ENOX1: variants seen among roughly 807,000 people sequenced by gnomAD.
The protein encoded by ENOX1 is ecto-NOX disulfide-thiol exchanger 1.
ENOX1 carries 42 observed loss-of-function variants against 82.5 expected under a neutral mutation model. That is an observed-to-expected ratio of 0.51 (90% CI 0.40 to 0.66). The LOEUF (loss-of-function observed/expected upper bound fraction) is 0.66. Among genes scored for constraint, ENOX1 ranks in the 30% least tolerant of loss-of-function variants. The pLI is 0.00. For missense variants in ENOX1, 608 were observed against 811.6 expected (o/e 0.75, Z 3.05); for synonymous variants, 271 against 282.2 (o/e 0.96, Z 0.40).
chr13:43,385,914 C>T (rs950465832), intron 5 of ENOX1, among the ~76,000 whole-genome samples: 4 of 151,950 alleles, frequency 2.6e-5, no homozygotes, highest in Admixed American at 1.3e-4. Flanking sequence ...ACCTGTAATC[C>T]CAGCACTTTG....
intron 16 of ENOX1, among the ~76,000 whole-genome samples, chr13:43,219,934 A>G (rs2041698309): frequency 6.6e-6 from 1 of 152,250 alleles, no homozygotes. Context: ...TTCCATGGGC[A>G]AAACTGACTT....
chr13:43,273,097 C>T (rs1336876190), intron 12 of ENOX1, among the ~76,000 whole-genome samples: 1 of 152,160 alleles, frequency 6.6e-6, no homozygotes, highest in Non-Finnish European at 1.5e-5. Flanking sequence ...ACCTACCAGA[C>T]CCTTCACTTC....
At chr13:43,726,129 T>A (rs1389781739) in intron 1 of ENOX1, among the ~76,000 whole-genome samples, 1 of 150,752 alleles carries the variant, frequency 6.6e-6, no homozygotes, top group East Asian at 1.9e-4. Flanking sequence ...ACCATAAAAT[T>A]AAAACATAAA....
intron 1 of ENOX1, among the ~76,000 whole-genome samples, chr13:43,677,446 G>A (rs2085563930): frequency 6.6e-6 from 1 of 152,210 alleles, no homozygotes; most frequent in Non-Finnish European, 1.5e-5. Flanking sequence ...AGGCTGTAGA[G>A]TGCCAATGCC....
intron 1 of ENOX1, among the ~76,000 whole-genome samples, chr13:43,727,292 A>G (rs1298431790): frequency 6.6e-6 from 1 of 152,220 alleles, no homozygotes; most frequent in East Asian, 1.9e-4. Context: ...ATCTTCCTCT[A>G]GACTCAGCAA....
At chr13:43,252,277 A>C (rs2043501535) in intron 14 of ENOX1, among the ~76,000 whole-genome samples, 1 of 152,142 alleles carries the variant, frequency 6.6e-6, no homozygotes, top group Admixed American at 6.5e-5. Flanking sequence ...GGGAAAGCTG[A>C]GACTTTGAGG....
At chr13:43,491,179 G>C (rs1428773234) in intron 2 of ENOX1, among the ~76,000 whole-genome samples, 2 of 152,254 alleles carry the variant, frequency 1.3e-5, no homozygotes, top group East Asian at 3.9e-4. Flanking sequence ...AGAGAAAAGG[G>C]AGAGGTCCCA....
intron 1 of ENOX1, among the ~76,000 whole-genome samples, chr13:43,706,181 T>C (rs562683194): frequency 6.6e-6 from 1 of 152,090 alleles, no homozygotes; most frequent in African/African-American, 2.4e-5. Flanking sequence ...AAAGCTTATA[T>C]TTAAAAAAGT....
chr13:43,630,860 T>TATATATATACACACAC (rs34023929), intron 2 of ENOX1, among the ~76,000 whole-genome samples: 2 of 147,708 alleles, frequency 1.4e-5, no homozygotes, highest in African/African-American at 5.0e-5. Flanking sequence ...TATATATATA[T>TATATATATACACACAC]ACACACACAC....
intron 8 of ENOX1, among the ~76,000 whole-genome samples, chr13:43,353,472 C>G (rs2049942396): frequency 6.6e-6 from 1 of 152,108 alleles, no homozygotes; most frequent in African/African-American, 2.4e-5. Flanking sequence ...ATTTCCATTT[C>G]CTTTCTGACA....
At chr13:43,592,029 C>T (rs2081269141) in intron 2 of ENOX1, among the ~76,000 whole-genome samples, 1 of 151,778 alleles carries the variant, frequency 6.6e-6, no homozygotes, top group Non-Finnish European at 1.5e-5. Context: ...ACAAGAGCAT[C>T]CCAGAGCCCC....
chr13:43,436,378 C>A (rs921026611), intron 3 of ENOX1, among the ~76,000 whole-genome samples: 10 of 152,216 alleles, frequency 6.6e-5, no homozygotes, highest in South Asian at 2.1e-4. Context: ...TAAAATAGAT[C>A]ATTTCAGTAG....
At chr13:43,364,229 G>A (rs1238583258) in intron 5 of ENOX1, among the ~76,000 whole-genome samples, 1 of 152,186 alleles carries the variant, frequency 6.6e-6, no homozygotes, top group African/African-American at 2.4e-5. Context: ...ACAAAGGGGA[G>A]AAGGCAGCGC....
At chr13:43,492,912 A>G (rs2076670265) in intron 2 of ENOX1, among the ~76,000 whole-genome samples, 1 of 152,210 alleles carries the variant, frequency 6.6e-6, no homozygotes, top group Non-Finnish European at 1.5e-5. Context: ...CACTGAGTAA[A>G]GCAGATTACT....
At chr13:43,777,999 C>T (rs1796425536) in intron 1 of ENOX1, among the ~76,000 whole-genome samples, 1 of 152,226 alleles carries the variant, frequency 6.6e-6, no homozygotes, top group Admixed American at 6.5e-5. Context: ...TTTGTTCTCG[C>T]TGATAAGCAA....
intron 5 of ENOX1, among the ~76,000 whole-genome samples, chr13:43,396,165 C>T (rs7399555): frequency 0.51 from 78,088 of 152,060 alleles, 24,970 homozygotes; most frequent in Non-Finnish European, 0.73. Flanking sequence ...TCAGCAGATG[C>T]CACTGCTACG....
intron 1 of ENOX1, among the ~76,000 whole-genome samples, chr13:43,742,935 G>A (rs1019658506): frequency 1.3e-5 from 2 of 152,138 alleles, no homozygotes; most frequent in Non-Finnish European, 2.9e-5. Context: ...CAGGGAATTG[G>A]GGGATAGGAT....
chr13:43,755,540 A>G (rs1302717629), intron 1 of ENOX1, among the ~76,000 whole-genome samples: 18 of 152,264 alleles, frequency 1.2e-4, no homozygotes, highest in East Asian at 1.9e-4. Flanking sequence ...TCCTATAAAA[A>G]ATCTTTAATG....
chr13:43,385,926 G>C (rs1015574597), intron 5 of ENOX1, among the ~76,000 whole-genome samples: 2 of 152,158 alleles, frequency 1.3e-5, no homozygotes, highest in African/African-American at 4.8e-5. Context: ...AGCACTTTGG[G>C]AGGCCGAGGC....
Sources: allele counts gnomAD v4.1 joint callset (sites outside exome capture counted in the v4.1 genomes callset), GRCh38; gene constraint gnomAD v4.1.1; transcripts MANE v1.5; gene names NCBI Gene and HGNC (gene_info 2026-07-23, HGNC 2026-07-21).